SLC13A4: variants seen among roughly 807,000 people sequenced by gnomAD.
SLC13A4 encodes the protein Na(+)/sulfate cotransporter SUT-1.
SLC13A4 carries 28 observed loss-of-function variants against 72.7 expected under a neutral mutation model. The ratio of observed to expected loss-of-function variants is 0.39; its 90% CI spans 0.29 to 0.53. The LOEUF is 0.53. Among genes scored for constraint, SLC13A4 ranks in the 20% least tolerant of loss-of-function variants. SLC13A4 has a pLI of 0.78. For synonymous variants in SLC13A4, 312 were observed against 325.5 expected (o/e 0.96, Z 0.45); for missense variants, 653 against 788.0 (o/e 0.83, Z 2.05).
chr7:135,692,111 A>G (rs985688401), intron 11 of SLC13A4: 5 of 568,656 alleles, frequency 8.8e-6, no homozygotes, highest in Non-Finnish European at 1.2e-5. Context: ...TTATGTAATG[A>G]GACTACATGC....
chr7:135,715,650 C>T (rs968780731), intron 2 of SLC13A4, among the ~76,000 whole-genome samples: 1 of 152,198 alleles, frequency 6.6e-6, no homozygotes, highest in Non-Finnish European at 1.5e-5. Flanking sequence ...ATATCCAACC[C>T]ATGCTTTCTA....
intron 2 of SLC13A4, among the ~76,000 whole-genome samples, chr7:135,716,312 A>C (rs572410698): frequency 6.6e-6 from 1 of 152,270 alleles, no homozygotes; most frequent in Non-Finnish European, 1.5e-5. Flanking sequence ...TAAAATTAAA[A>C]AAAATTTTTT....
chr7:135,716,072 C>T (rs909756533), intron 2 of SLC13A4, among the ~76,000 whole-genome samples: 13 of 152,072 alleles, frequency 8.5e-5, no homozygotes, highest in Non-Finnish European at 1.2e-4. Context: ...TTATACAGAA[C>T]GGGAAATTCC....
intron 14 of SLC13A4, among the ~76,000 whole-genome samples, chr7:135,684,580 A>G (rs1423096817): frequency 6.6e-6 from 1 of 150,540 alleles, no homozygotes; most frequent in East Asian, 1.9e-4. Context: ...TTAAACTCAA[A>G]TCTCATGAAT....
chr7:135,719,083 G>A (rs933150676), intron 2 of SLC13A4, among the ~76,000 whole-genome samples: 4 of 152,214 alleles, frequency 2.6e-5, no homozygotes, highest in Non-Finnish European at 5.9e-5. Context: ...CAAATGATAA[G>A]ACGTGCTTTC....
intron 14 of SLC13A4, among the ~76,000 whole-genome samples, chr7:135,684,678 A>G (rs544352655): frequency 1.3e-5 from 2 of 148,898 alleles, no homozygotes; most frequent in South Asian, 2.1e-4. Context: ...AGGGAAGATA[A>G]TTGTTTTATA....
intron 2 of SLC13A4, among the ~76,000 whole-genome samples, chr7:135,715,147 GTA>G (rs767564046): frequency 2.5e-4 from 38 of 151,788 alleles, no homozygotes; most frequent in African/African-American, 8.2e-4. Flanking sequence ...GAGAATGTGT[GTA>G]TGAGTGTGTG....
At chr7:135,724,258 GC>G (rs1167253103) in intron 1 of SLC13A4, among the ~76,000 whole-genome samples, 1 of 152,194 alleles carries the variant, frequency 6.6e-6, no homozygotes. Context: ...ACTATGGGAG[GC>G]CGAGGTGGGT....
intron 2 of SLC13A4, among the ~76,000 whole-genome samples, chr7:135,715,440 AGTGT>A (rs1323083997): frequency 9.8e-4 from 147 of 149,844 alleles, no homozygotes; most frequent in Middle Eastern, 3.4e-3. Context: ...CGTGTGTATG[AGTGT>A]GTGAATGTGC....
At chr7:135,715,469 G>A (rs1363236639) in intron 2 of SLC13A4, among the ~76,000 whole-genome samples, 5 of 132,248 alleles carry the variant, frequency 3.8e-5, no homozygotes, top group African/African-American at 1.4e-4. Flanking sequence ...GTGCATATGA[G>A]TGTGTGTATG....
At chr7:135,688,414 G>A (rs1213575695) in intron 13 of SLC13A4, among the ~76,000 whole-genome samples, 3 of 150,926 alleles carry the variant, frequency 2.0e-5, no homozygotes, top group South Asian at 2.1e-4. Context: ...CCGCCACCAC[G>A]CCTAACTAAT....
intron 8 of SLC13A4, among the ~76,000 whole-genome samples, chr7:135,697,796 G>A (rs1584724115): frequency 1.3e-5 from 2 of 151,868 alleles, no homozygotes; most frequent in African/African-American, 2.4e-5. Flanking sequence ...TATGTGCTCC[G>A]CTGTCCTGCC....
chr7:135,692,282 G>T, intron 11 of SLC13A4, 41 bp downstream of exon 11: 2 of 1,375,724 alleles, frequency 1.5e-6, no homozygotes, highest in Non-Finnish European at 2.1e-6. Flanking sequence ...GAAGAATTGG[G>T]GTGAGGGGGT....
In SLC13A4 at chr7:135,727,413, G is replaced by T. The variant is rs1347994753; in HGVS notation, c.84C>A (p.Val28=). The change falls in exon 1 of 16, where the codon GTC becomes GTA. Residue 28 remains valine (V), a synonymous_variant. Transcript: ENST00000682651. The part of the protein sequence containing the change: ...CVPLLLLPLP[V]LHPSSEASCA... Reference sequence around the variant, plus strand: ...CGGTACTCACGCTGCTGGGGTGGAGGACGGGCAGAGGCAGCAGCAGGAGCG... The same window carrying T: ...CGGTACTCACGCTGCTGGGGTGGAGTACGGGCAGAGGCAGCAGCAGGAGCG... 11 of 1,549,500 alleles carry T rather than the reference G, an allele frequency of 7.1e-6. No homozygotes were observed. Among genetic ancestry groups the T allele is most frequent in the Admixed American group, 2.0e-5 (1 of 50,986 alleles).
At chr7:135,701,030 G>A (rs1796021760) in intron 7 of SLC13A4, among the ~76,000 whole-genome samples, 1 of 152,170 alleles carries the variant, frequency 6.6e-6, no homozygotes, top group South Asian at 2.1e-4. Flanking sequence ...CCCCTATCTA[G>A]TTCCTTGGTC....
chr7:135,709,451 A>C (rs1584733629), intron 2 of SLC13A4, among the ~76,000 whole-genome samples: 2 of 137,166 alleles, frequency 1.5e-5, no homozygotes, highest in Admixed American at 7.7e-5. Flanking sequence ...ACAGGGTCTC[A>C]CTCTGTCACC....
chr7:135,696,285 G>A (rs1009166712), intron 8 of SLC13A4, among the ~76,000 whole-genome samples: 5 of 152,080 alleles, frequency 3.3e-5, no homozygotes, highest in Non-Finnish European at 5.9e-5. Context: ...ATCCCTACCA[G>A]CATCTAAATG....
At chr7:135,686,414 G>A (rs965373285) in intron 13 of SLC13A4, among the ~76,000 whole-genome samples, 1 of 152,104 alleles carries the variant, frequency 6.6e-6, no homozygotes, top group African/African-American at 2.4e-5. Context: ...CTATTGCCCA[G>A]GGTCCAGGAT....
chr7:135,707,965 G>T, intron 3 of SLC13A4, 149 bp downstream of exon 3: 2 of 864,990 alleles, frequency 2.3e-6, no homozygotes, highest in Non-Finnish European at 3.6e-6. Flanking sequence ...CCTCTCCCTG[G>T]ACGGGTCCTA....
Sources: allele counts gnomAD v4.1 joint callset (sites outside exome capture counted in the v4.1 genomes callset), GRCh38; gene constraint gnomAD v4.1.1; transcripts MANE v1.5; gene names NCBI Gene and HGNC (gene_info 2026-07-23, HGNC 2026-07-21).